The following BCAN variants were observed in gnomAD, a reference collection of about 807,000 sequenced individuals.
The protein encoded by BCAN is brevican core protein.
BCAN carries 51 observed loss-of-function variants against 92.4 expected under a neutral mutation model. The ratio of observed to expected loss-of-function variants is 0.55; its 90% CI spans 0.44 to 0.70. The LOEUF (loss-of-function observed/expected upper bound fraction) is 0.70, where lower values mean the gene tolerates loss of function less well. Ranked by LOEUF, BCAN falls within the 30% of genes least tolerant of loss-of-function variation. The pLI, the probability that BCAN is intolerant of heterozygous loss-of-function variation, is 0.00. For synonymous variants in BCAN, 501 were observed against 505.2 expected, an observed-to-expected ratio of 0.99 and a Z score of 0.11; for missense variants, 1,140 against 1,212.1, an observed-to-expected ratio of 0.94 and a Z score of 0.88.
At chr1:156,657,129 G>C (rs752667860) in intron 10 of BCAN, 33 bp downstream of exon 10, 3 of 1,600,270 alleles carry the variant, frequency 1.9e-6, no homozygotes, top group Non-Finnish European at 2.6e-6. Context: ...AGGGGCCCCT[G>C]CCATATGCTC....
Position 156,658,845 on chromosome 1 carries a change from C to A in BCAN, c.2628+112C>A. The A allele has an allele frequency of 6.7e-7, 1 of 1,489,436 alleles. No homozygotes were observed. Among genetic ancestry groups the A allele is most frequent in the Non-Finnish European group, 9.2e-7 (1 of 1,089,924 alleles). 92.3% of individuals were successfully genotyped at this position (1,489,436 alleles called of 1,614,324 possible). ...CCATGTGACCTTGGAGCCATCACTGCCCCTCTCTGAGGCAAAGGGGAAGAG... is the reference window on the plus strand; with the variant it reads ...CCATGTGACCTTGGAGCCATCACTGACCCTCTCTGAGGCAAAGGGGAAGAG... On this transcript the variant is annotated intron_variant, in intron 13 of 13. Coordinates refer to ENST00000329117, the MANE Select transcript of BCAN (RefSeq NM_021948.5). This position sits in a 1 kb window ranked among gnomAD's most constrained non-coding sequence, Gnocchi z 4.4.
intron 1 of BCAN, chr1:156,643,075 T>C (rs1678843433): frequency 1.3e-5 from 2 of 152,184 alleles, no homozygotes; most frequent in African/African-American, 4.8e-5. Flanking sequence ...CCTACATGGT[T>C]CTAATAGGAC....
intron 8 of BCAN, among the ~76,000 whole-genome samples, chr1:156,654,138 C>T (rs1257191701): frequency 1.3e-5 from 2 of 152,228 alleles, no homozygotes; most frequent in African/African-American, 4.8e-5. Flanking sequence ...CTGGAGAAGA[C>T]ACTGATCAAA....
chr1:156,651,071 C>T (rs1312555423), intron 6 of BCAN, among the ~76,000 whole-genome samples: 3 of 152,262 alleles, frequency 2.0e-5, no homozygotes, highest in African/African-American at 7.2e-5. Context: ...TATCTCTCAC[C>T]TGAGCCTTTC....
Position 156,647,009 on chromosome 1 carries a change from G to C in BCAN, c.300G>C (p.Val100=), listed in dbSNP as rs920060478. 1 of 1,613,110 alleles carries C rather than the reference G, an allele frequency of 6.2e-7. No homozygotes were observed. The highest frequency in any genetic ancestry group is 8.5e-7 in the Non-Finnish European group (1 of 1,179,662). The part of the protein sequence containing the change: ...VLVARGVRVK[V]NEAYRFRVAL... ...TGGCGCGGGGAGTGCGCGTCAAGGT[G>C]AACGAGGCCTACCGGTTCCGCGTGG... is the stretch of plus-strand genomic sequence containing the variant. The change falls in exon 3 of 14, where the codon GTG becomes GTC. Residue 100 remains valine (V), a synonymous_variant. Coordinates refer to ENST00000329117, the MANE Select transcript of BCAN (RefSeq NM_021948.5). This position sits in a 1 kb window ranked among gnomAD's most constrained non-coding sequence, Gnocchi z 4.8.
chr1:156,651,738 G>A (rs1467761526), intron 7 of BCAN, 49 bp downstream of exon 7: 1 of 1,505,976 alleles, frequency 6.6e-7, no homozygotes, highest in Non-Finnish European at 9.0e-7. Flanking sequence ...AAGAAGTTGG[G>A]GGCAGAAGAG....
intron 10 of BCAN, 160 bp downstream of exon 10, chr1:156,657,256 C>T: frequency 2.0e-6 from 2 of 1,000,300 alleles, no homozygotes; most frequent in Middle Eastern, 2.3e-4. Flanking sequence ...TTCTCTCTCC[C>T]TTCCCACCCT....
chr1:156,653,572 T>C, intron 8 of BCAN: 1 of 970,562 alleles, frequency 1.0e-6, no homozygotes, highest in Non-Finnish European at 1.2e-6. Flanking sequence ...TGGCTCCATG[T>C]CTCTCCCTGT....
chr1:156,652,775 G>GC lies in BCAN; in HGVS notation c.1830dup (p.Ser611LeufsTer2). On this transcript the variant is annotated frameshift_variant, in exon 8 of 14. Coordinates refer to ENST00000329117, the MANE Select transcript of BCAN (RefSeq NM_021948.5). LOFTEE classifies it high-confidence loss of function. ...CCCTGAGGGTACCAGGGAGCTGGAG[G>GC]CCCCCTCTGAAGATAATTCTGGAAG... The GC allele has an allele frequency of 6.2e-7, 1 of 1,611,276 alleles. No individual in the cohort carries two copies. Among genetic ancestry groups the GC allele is most frequent in the Non-Finnish European group, 8.5e-7 (1 of 1,178,042 alleles).
chr1:156,654,228 T>G (rs1381238657), intron 8 of BCAN, among the ~76,000 whole-genome samples: 5 of 152,142 alleles, frequency 3.3e-5, no homozygotes, highest in Admixed American at 3.3e-4. Context: ...AAGGCTAAGA[T>G]TCCCAGTGGA....
In BCAN at chr1:156,652,437, C is replaced by T; in HGVS notation, c.1487C>T (p.Pro496Leu). The T allele has an allele frequency of 6.2e-7, 1 of 1,603,876 alleles. No homozygotes were observed. The highest frequency in any genetic ancestry group is 8.5e-7 in the Non-Finnish European group (1 of 1,174,924). ...AGCCCGGGCCCTGAGGCCTCTCTCCCCACTGAGCCAGCAGCCCAGGAGGAG... is the reference window on the plus strand; with the variant it reads ...AGCCCGGGCCCTGAGGCCTCTCTCCTCACTGAGCCAGCAGCCCAGGAGGAG... ...LSSPGPEASL[P>L]TEPAAQEESL... Residue 496 changes from proline to leucine, a missense_variant, in exon 8 of 14, where the codon CCC becomes CTC. Pro to Leu is a moderately conservative substitution (Grantham distance 98, BLOSUM62 -3). This residue lies in a region of BCAN where 825 missense variants were observed against 871.8 expected (regional missense o/e 0.95). Coordinates refer to ENST00000329117, the MANE Select transcript of BCAN (RefSeq NM_021948.5).
At position 156,658,003 on chromosome 1, in the gene BCAN, A is replaced by C. The variant is rs1467908704; in HGVS notation, c.2293-124A>C. 8.7e-5 allele frequency: 100 copies of C among 1,150,406 alleles called. No individual in the cohort carries two copies. The highest frequency in any genetic ancestry group is 1.1e-4 in the Non-Finnish European group (89 of 818,150). The allele number at this position is 1,150,406 out of a possible 1,614,324, so 71.3% of individuals were successfully genotyped here. On this transcript the variant is annotated intron_variant, in intron 11 of 13. Coordinates refer to ENST00000329117, the MANE Select transcript of BCAN (RefSeq NM_021948.5). The surrounding 1 kb of genome is among the most constrained non-coding windows in gnomAD (Gnocchi z 4.4). ...TTTCCCCTTCCCCGGGAGATCCCCT[A>C]CCCCCTAGCCCTAACCTTCCCTCTC...
rs748238163 is a variant in BCAN, at chr1:156,646,082, G to C, written c.28G>C (p.Ala10Pro). 39 of 1,613,416 alleles carry C rather than the reference G, an allele frequency of 2.4e-5. No homozygotes were observed. The highest frequency in any genetic ancestry group is 3.0e-5 in the Non-Finnish European group (35 of 1,179,532). The stretch of plus-strand genomic sequence containing the variant: ...GGCCCAGCTGTTCCTGCCCCTGCTG[G>C]CAGCCCTGGTCCTGGCCCAGGCTCC... MAQLFLPLL[A>P]ALVLAQAPAA... Residue 10 changes from alanine (A) to proline (P), a missense_variant, in exon 2 of 14, where the codon GCA becomes CCA. This residue lies in a region of BCAN where 286 missense variants were observed against 284.1 expected (regional missense o/e 1.01). Transcript: ENST00000329117.
Position 156,648,612 on chromosome 1 carries a change from G to A in BCAN, c.814G>A (p.Glu272Lys). 1 of 1,605,638 alleles carries A rather than the reference G, an allele frequency of 6.2e-7. No individual in the cohort carries two copies. Among genetic ancestry groups the A allele is most frequent in the Non-Finnish European group, 8.5e-7 (1 of 1,172,988 alleles). ...GDPPEKLTLE[E>K]ARAYCQERGA... ...CCCTCCAGAGAAGCTGACATTGGAG[G>A]AAGCACGGGCGTACTGCCAGGAGCG... The change falls in exon 6 of 14, where the codon GAA becomes AAA. Residue 272 changes from glutamate (E) to lysine (K), a missense_variant. By Grantham distance (56) the Glu-to-Lys change is moderately conservative. Coordinates refer to ENST00000329117, the MANE Select transcript of BCAN (RefSeq NM_021948.5).
chr1:156,657,839 C>T, intron 11 of BCAN, 82 bp downstream of exon 11: 1 of 1,192,946 alleles, frequency 8.4e-7, no homozygotes, highest in Non-Finnish European at 1.2e-6. Flanking sequence ...CCCCTCCCGA[C>T]CCTGTCCCCT....
intron 7 of BCAN, 107 bp downstream of exon 7, chr1:156,651,796 G>A: frequency 9.5e-7 from 1 of 1,047,218 alleles, no homozygotes; most frequent in Non-Finnish European, 1.4e-6. Context: ...ACTCTGCCCT[G>A]TCCTTTCTCA....
chr1:156,653,064 C>A, intron 8 of BCAN, 172 bp downstream of exon 8: 1 of 1,487,274 alleles, frequency 6.7e-7, no homozygotes, highest in South Asian at 1.4e-5. Flanking sequence ...CTCGGATATC[C>A]ACCTTGTGGG....
Position 156,652,838 on chromosome 1 carries a change from G to A in BCAN, c.1888G>A (p.Val630Met). 6.2e-7 allele frequency: 1 copy of A among 1,613,954 alleles called. No homozygotes were observed. The highest frequency in any genetic ancestry group is 8.5e-7 in the Non-Finnish European group (1 of 1,180,022). The part of the protein sequence containing the change: ...PAGTSVQAQP[V>M]LPTDSASRGG... ...AGGGACCTCAGTGCAGGCCCAGCCA[G>A]TGCTGCCCACTGACAGCGCCAGCCG... is the stretch of plus-strand genomic sequence containing the variant. Residue 630 changes from valine (V) to methionine (M), a missense_variant, in exon 8 of 14, where the codon GTG becomes ATG. Transcript: ENST00000329117.
Position 156,647,535 on chromosome 1 carries a change from C to T in BCAN, c.494C>T (p.Ser165Phe). 4 of 1,592,680 alleles carry T rather than the reference C, an allele frequency of 2.5e-6. No homozygotes were observed. Among genetic ancestry groups the T allele is most frequent in the Non-Finnish European group, 3.4e-6 (4 of 1,170,950 alleles). Residue 165 changes from serine (S) to phenylalanine (F), a missense_variant, in exon 4 of 14, where the codon TCT becomes TTT. Transcript: ENST00000329117. The surrounding 1 kb of genome is among the most constrained non-coding windows in gnomAD (Gnocchi z 4.8). ...GTCGTCTTTCTCTACCGAGAGGGCT[C>T]TGCCCGCTATGCTTTCTCCTTTTCT... ...KGVVFLYREG[S>F]ARYAFSFSGA...
Sources: allele counts gnomAD v4.1 joint callset (sites outside exome capture counted in the v4.1 genomes callset), GRCh38; gene constraint gnomAD v4.1.1; regional missense constraint gnomAD v4.1.1; non-coding constraint Gnocchi (gnomAD v3.1); transcripts MANE v1.5; gene names NCBI Gene and HGNC (gene_info 2026-07-23, HGNC 2026-07-21).